RBM19: variants seen among roughly 807,000 people sequenced by gnomAD.
RBM19 encodes RNA binding motif protein 19, also known as probable RNA-binding protein 19.
A neutral mutation model predicts 116.8 loss-of-function variants in RBM19; 94 were observed. The observed-to-expected ratio is 0.80, with a 90% confidence interval of 0.68 to 0.95. The LOEUF is 0.95. Ranked by LOEUF, RBM19 falls within the 40% of genes least tolerant of loss-of-function variation. The pLI is 0.00. For missense variants in RBM19, 1,161 were observed against 1,220.7 expected, an observed-to-expected ratio of 0.95 and a Z score of 0.73; for synonymous variants, 475 against 494.1, an observed-to-expected ratio of 0.96 and a Z score of 0.51.
chr12:113,864,578 T>C (rs1396641002), intron 21 of RBM19, among the ~76,000 whole-genome samples: 2 of 152,192 alleles, frequency 1.3e-5, no homozygotes, highest in African/African-American at 2.4e-5. Context: ...CACATTCCTC[T>C]TCCCTTACAG....
chr12:113,829,767 A>T (rs1466742381), intron 23 of RBM19, among the ~76,000 whole-genome samples: 1 of 152,204 alleles, frequency 6.6e-6, no homozygotes, highest in Non-Finnish European at 1.5e-5. Context: ...AAAGCATGAG[A>T]GCACTTAGCC....
intron 21 of RBM19, among the ~76,000 whole-genome samples, chr12:113,885,605 A>G (rs1170583264): frequency 6.6e-6 from 1 of 152,190 alleles, no homozygotes; most frequent in Non-Finnish European, 1.5e-5. Context: ...AACGTATAAA[A>G]AGGATCTTGT....
chr12:113,917,268 T>C (rs4767163), intron 20 of RBM19, among the ~76,000 whole-genome samples: 102,359 of 152,132 alleles, frequency 0.67, 35,226 homozygotes, highest in East Asian at 0.98. Context: ...GGAAAGAAAC[T>C]GCTGGCTCAG....
At chr12:113,840,995 A>G (rs1384082028) in intron 23 of RBM19, among the ~76,000 whole-genome samples, 1 of 152,150 alleles carries the variant, frequency 6.6e-6, no homozygotes, top group Non-Finnish European at 1.5e-5. Flanking sequence ...CTCCCGTGGC[A>G]CTGGGGAAGG....
intron 19 of RBM19, among the ~76,000 whole-genome samples, chr12:113,919,546 G>A (rs12366568): frequency 0.058 from 8,866 of 152,274 alleles, 298 homozygotes; most frequent in Middle Eastern, 0.17. Context: ...ACTCCAGCCT[G>A]GGCGACAGAG....
At chr12:113,866,088 T>C (rs1171383875) in intron 21 of RBM19, among the ~76,000 whole-genome samples, 1 of 152,236 alleles carries the variant, frequency 6.6e-6, no homozygotes, top group Non-Finnish European at 1.5e-5. Flanking sequence ...CAAGAGGCAA[T>C]GGCTTTGGAA....
chr12:113,958,364 C>T (rs1282675315), intron 5 of RBM19, among the ~76,000 whole-genome samples: 1 of 152,194 alleles, frequency 6.6e-6, no homozygotes, highest in Non-Finnish European at 1.5e-5. Flanking sequence ...TCAGTCTCTG[C>T]TTAATACCCT....
chr12:113,953,609 A>T (rs969057903), intron 7 of RBM19, among the ~76,000 whole-genome samples: 1 of 152,240 alleles, frequency 6.6e-6, no homozygotes, highest in Non-Finnish European at 1.5e-5. Flanking sequence ...ACATTGATGA[A>T]ACATTAATAA....
intron 21 of RBM19, among the ~76,000 whole-genome samples, chr12:113,868,022 G>A (rs1413687357): frequency 6.6e-6 from 1 of 152,148 alleles, no homozygotes; most frequent in Non-Finnish European, 1.5e-5. Flanking sequence ...CTGTTCCATC[G>A]CAGGCACCTT....
At chr12:113,849,855 A>G (rs552998052) in intron 22 of RBM19, among the ~76,000 whole-genome samples, 106 of 152,236 alleles carry the variant, frequency 7.0e-4, no homozygotes, top group Admixed American at 6.9e-3. Context: ...TTAGGAGCCA[A>G]CTCTGCACAG....
At chr12:113,950,578 C>T (rs912335299) in intron 8 of RBM19, among the ~76,000 whole-genome samples, 2 of 152,064 alleles carry the variant, frequency 1.3e-5, no homozygotes, top group Non-Finnish European at 2.9e-5. Flanking sequence ...TTGACTTGCA[C>T]AAAAAAACAA....
rs575829809 is a variant in RBM19, at chr12:113,942,226, G to C, written c.1737+98C>G. 3.5e-5 allele frequency: 36 copies of C among 1,019,218 alleles called. No homozygotes were observed. The African/African-American group carries it at 5.7e-4, about 16-fold the overall frequency. 63.1% of individuals were successfully genotyped at this position (1,019,218 alleles called of 1,614,324 possible). ...ATTTAGAAATCAGTAATAGTCCTTA[G>C]AAGGCCAGATCCTTAAATCCATCTG... On this transcript the variant is annotated intron_variant, in intron 14 of 23. Coordinates refer to ENST00000261741, the MANE Select transcript of RBM19 (RefSeq NM_016196.4).
chr12:113,871,179 G>A (rs1204101202), intron 21 of RBM19, among the ~76,000 whole-genome samples: 2 of 152,206 alleles, frequency 1.3e-5, no homozygotes, highest in Non-Finnish European at 2.9e-5. Flanking sequence ...CTCCAGAGAA[G>A]CCAAAATAAA....
chr12:113,940,908 G>C (rs1372570292), intron 14 of RBM19, among the ~76,000 whole-genome samples: 1 of 152,170 alleles, frequency 6.6e-6, no homozygotes, highest in Non-Finnish European at 1.5e-5. Context: ...TATTTCACAG[G>C]ATCGCTCCAG....
intron 21 of RBM19, among the ~76,000 whole-genome samples, chr12:113,867,895 C>G (rs914726224): frequency 6.6e-6 from 1 of 152,124 alleles, no homozygotes; most frequent in African/African-American, 2.4e-5. Context: ...CACCACTGCA[C>G]TCTAGCCTGG....
chr12:113,922,113 G>A (rs540888712), intron 18 of RBM19, among the ~76,000 whole-genome samples: 5 of 152,256 alleles, frequency 3.3e-5, no homozygotes, highest in South Asian at 4.1e-4. Flanking sequence ...AGGTTATCTC[G>A]TGGCTCCAAC....
chr12:113,898,434 A>G lies in RBM19; in HGVS notation c.2558+16535T>C, dbSNP rs1160129918. Among the ~76,000 whole-genome samples the G allele has an allele frequency of 2.0e-5, 3 of 152,142 alleles. No homozygotes were observed. The highest frequency in any genetic ancestry group is 2.9e-5 in the Non-Finnish European group (2 of 68,014). ...CAGATCATGTCTCTGCACCTAACCAACTGGCAACAAGAGATCAATTCACTG... is the reference window on the plus strand; with the variant it reads ...CAGATCATGTCTCTGCACCTAACCAGCTGGCAACAAGAGATCAATTCACTG... On this transcript the variant is annotated intron_variant, in intron 21 of 23. Transcript: ENST00000261741. The surrounding 1 kb of genome is among the most constrained non-coding windows in gnomAD (Gnocchi z 4.3).
At chr12:113,920,774 C>T in intron 18 of RBM19, 84 bp from the exon 19 acceptor site, 1 of 1,221,800 alleles carries the variant, frequency 8.2e-7, no homozygotes, top group Non-Finnish European at 1.2e-6. Flanking sequence ...GCCCCCAGAC[C>T]TGCGCTGTAT....
chr12:113,962,409 CTTCATCTAGGACAGAG>C lies in RBM19; in HGVS notation c.37-11_41del. 4 of 1,613,034 alleles carry C rather than the reference CTTCATCTAGGACAGAG, an allele frequency of 2.5e-6. No homozygotes were observed. The highest frequency in any genetic ancestry group is 3.4e-6 in the Non-Finnish European group (4 of 1,178,950). ...CAAACAGCTGCCTGAAACGCTCCTC[CTTCATCTAGGACAGAG>C]GGAAAGGAATGAGAGACGAACTGGA... On this transcript the variant is annotated splice_acceptor_variant and splice_polypyrimidine_tract_variant and coding_sequence_variant and intron_variant, in exon 2 of 24. Transcript: ENST00000261741. LOFTEE classifies it high-confidence loss of function.
Sources: gnomAD v4.1 joint callset for allele counts (sites outside exome capture counted in the v4.1 genomes callset) on GRCh38, gnomAD v4.1.1 for gene constraint, Gnocchi (gnomAD v3.1) non-coding constraint, MANE v1.5 for transcripts, NCBI Gene and HGNC (gene_info 2026-07-23, HGNC 2026-07-21) for gene names.